The following ISCU variants were observed in gnomAD, a reference collection of about 807,000 sequenced individuals.
The protein encoded by ISCU is iron-sulfur cluster assembly enzyme.
Under a neutral mutation model 18.4 loss-of-function variants are expected in ISCU, and 13 were observed. The observed-to-expected ratio is 0.71, with a 90% CI of 0.46 to 1.12. ISCU has a LOEUF of 1.12. Among genes scored for constraint, ISCU ranks in the 50% most tolerant of loss-of-function variants. The pLI is 0.00. For synonymous variants in ISCU, 104 were observed against 87.5 expected (o/e 1.19, Z -1.06); for missense variants, 229 against 208.7 (o/e 1.10, Z -0.60).
At chr12:108,565,118 C>A in intron 2 of ISCU, 1 of 584,430 alleles carries the variant, frequency 1.7e-6, no homozygotes, top group South Asian at 2.2e-5. Flanking sequence ...TGATCTTTGT[C>A]AGTTGGGCCT....
intron 4 of ISCU, 135 bp from the exon 5 acceptor site, chr12:108,568,696 C>A: frequency 6.6e-7 from 1 of 1,512,068 alleles, no homozygotes; most frequent in Non-Finnish European, 8.9e-7. Flanking sequence ...AGCAACTCCT[C>A]ACCCCAGCTT....
At position 108,568,814 on chromosome 12, in the gene ISCU, C is replaced by G. The variant is rs1012866449; in HGVS notation, c.419-17C>G. ...CACATCTAGAAACTTAGGCTTCTTTCCTTCCGTTACTTCCAGTGCTGGCTG... is the reference window on the plus strand; with the variant it reads ...CACATCTAGAAACTTAGGCTTCTTTGCTTCCGTTACTTCCAGTGCTGGCTG... On this transcript the variant is annotated splice_polypyrimidine_tract_variant and intron_variant, in intron 4 of 4. Coordinates refer to ENST00000311893, the MANE Select transcript of ISCU (RefSeq NM_213595.4). 3.1e-6 allele frequency: 5 copies of G among 1,609,092 alleles called. No homozygotes were observed. In the African/African-American group the frequency reaches 4.0e-5, roughly 13 times the overall value.
At chr12:108,568,720 C>A in intron 4 of ISCU, 111 bp from the exon 5 acceptor site, 1 of 1,537,584 alleles carries the variant, frequency 6.5e-7, no homozygotes, top group South Asian at 1.2e-5. Flanking sequence ...GGCTTGGTTA[C>A]TCCATTAGTC....
At chr12:108,565,254 C>G in intron 2 of ISCU, 67 bp from the exon 3 acceptor site, 1 of 1,192,578 alleles carries the variant, frequency 8.4e-7, no homozygotes, top group Non-Finnish European at 1.3e-6. Context: ...CCTGGTGAAC[C>G]TTCGTGAGTG....
chr12:108,562,319 A>G (rs1182284873), upstream of ISCU, among the ~76,000 whole-genome samples: 2 of 151,768 alleles, frequency 1.3e-5, no homozygotes, highest in African/African-American at 2.4e-5. Context: ...GCATTCCCGC[A>G]GCGGGATTTG....
chr12:108,567,891 C>G, intron 4 of ISCU: 1 of 1,419,026 alleles, frequency 7.0e-7, no homozygotes, highest in Non-Finnish European at 9.6e-7. Context: ...AAATCTAATG[C>G]TTTTTCCATC....
In ISCU at chr12:108,562,679, G is replaced by T. The variant is rs534297688; in HGVS notation, c.57G>T (p.Arg19=). Residue 19 remains arginine (R), a synonymous_variant, in exon 1 of 5, where the codon CGG becomes CGT. Coordinates refer to ENST00000311893, the MANE Select transcript of ISCU (RefSeq NM_213595.4). ...LRRAASALLL[R]SPRLPARELS... ...GGGCGGCATCGGCTCTGCTGCTGCGGAGCCCCCGCCTGCCCGCCCGGGAGC... is the reference window on the plus strand; with the variant it reads ...GGGCGGCATCGGCTCTGCTGCTGCGTAGCCCCCGCCTGCCCGCCCGGGAGC... The T allele has an allele frequency of 6.9e-7, 1 of 1,456,226 alleles. No individual in the cohort carries two copies. The highest frequency in any genetic ancestry group is 1.4e-5 in the South Asian group (1 of 71,632). The allele number at this position is 1,456,226 out of a possible 1,614,324, so 90.2% of individuals were successfully genotyped here.
intron 4 of ISCU, chr12:108,568,072 C>T (rs1592794764): frequency 6.9e-7 from 1 of 1,445,564 alleles, no homozygotes; most frequent in Admixed American, 2.7e-5. Context: ...ACTCATTCTT[C>T]AGGAAGCCTG....
At chr12:108,568,729 T>G (rs2031014184) in intron 4 of ISCU, 102 bp from the exon 5 acceptor site, 2 of 1,545,208 alleles carry the variant, frequency 1.3e-6, no homozygotes. Flanking sequence ...ACTCCATTAG[T>G]CCCCACCAGC....
Position 108,565,367 on chromosome 12 carries a change from C to T in ISCU, c.275C>T (p.Thr92Ile). Residue 92 changes from threonine to isoleucine, a missense_variant, in exon 3 of 5, where the codon ACA becomes ATA. By Grantham distance (89) the Thr-to-Ile change is moderately conservative. Coordinates refer to ENST00000311893, the MANE Select transcript of ISCU (RefSeq NM_213595.4). ...AAGATTGTGGATGCTAGGTTTAAAACATTTGGCTGTGGTTCCGCAATTGCC... is the reference window on the plus strand; with the variant it reads ...AAGATTGTGGATGCTAGGTTTAAAATATTTGGCTGTGGTTCCGCAATTGCC... Reference protein sequence around the residue: ...KGKIVDARFKTFGCGSAIASS... With the variant: ...KGKIVDARFKIFGCGSAIASS... The T allele has an allele frequency of 6.2e-7, 1 of 1,614,176 alleles. No homozygotes were observed. Among genetic ancestry groups the T allele is most frequent in the Non-Finnish European group, 8.5e-7 (1 of 1,179,992 alleles).
upstream of ISCU, among the ~76,000 whole-genome samples, chr12:108,562,360 AG>A (rs200246803): frequency 1.6e-5 from 1 of 64,094 alleles, no homozygotes; most frequent in Non-Finnish European, 4.9e-5. Flanking sequence ...ACACTGCAGA[AG>A]CCCTGAGGTC....
rs758914155 is a variant in ISCU, at chr12:108,567,224, T to A, written c.374T>A (p.Ile125Asn). Reference protein sequence around the residue: ...EEALTIKNTDIAKELCLPPVK... With the variant: ...EEALTIKNTDNAKELCLPPVK... ...GCCTTGACTATCAAAAACACAGATA[T>A]CGCCAAGGAGCTCTGCCTTCCTCCC... Residue 125 changes from isoleucine to asparagine, a missense_variant, in exon 4 of 5, where the codon ATC becomes AAC. Coordinates refer to ENST00000311893, the MANE Select transcript of ISCU (RefSeq NM_213595.4). The A allele has an allele frequency of 6.2e-7, 1 of 1,614,072 alleles. No individual in the cohort carries two copies. The highest frequency in any genetic ancestry group is 8.5e-7 in the Non-Finnish European group (1 of 1,180,000).
At chr12:108,562,540 C>A, upstream of ISCU, 1 of 749,964 alleles carries the variant, frequency 1.3e-6, no homozygotes, top group Non-Finnish European at 1.9e-6. Context: ...GTCAGAGAGG[C>A]GCGCTCCCAG....
At chr12:108,568,419 A>G (rs1196379988) in intron 4 of ISCU, 2 of 1,098,502 alleles carry the variant, frequency 1.8e-6, no homozygotes, top group African/African-American at 3.3e-5. Flanking sequence ...CAACTTTTTT[A>G]TCATGACAAG....
At chr12:108,562,781 C>A in intron 1 of ISCU, 45 bp downstream of exon 1, 1 of 1,226,704 alleles carries the variant, frequency 8.2e-7, no homozygotes, top group Non-Finnish European at 1.1e-6. Flanking sequence ...TCAGCGGAGG[C>A]CTGGGCTGGA....
chr12:108,563,214 G>A (rs1946490357), intron 1 of ISCU: 1 of 153,206 alleles, frequency 6.5e-6, no homozygotes, highest in Non-Finnish European at 1.5e-5. Flanking sequence ...CTGGCACATA[G>A]GCCCCAGCAC....
At chr12:108,562,528 A>G (rs544494044), upstream of ISCU, 6 of 643,506 alleles carry the variant, frequency 9.3e-6, no homozygotes, top group South Asian at 6.3e-5. Flanking sequence ...AGCTTCGGTG[A>G]CGTCAGAGAG....
At chr12:108,567,321 A>G (rs763057360) in intron 4 of ISCU, 53 bp downstream of exon 4, 131 of 1,453,668 alleles carry the variant, frequency 9.0e-5, no homozygotes, top group Non-Finnish European at 9.6e-5. Flanking sequence ...AGTAATTTCA[A>G]CTTGGTTTGC....
intron 3 of ISCU, among the ~76,000 whole-genome samples, chr12:108,566,743 C>T (rs2030915093): frequency 6.6e-6 from 1 of 152,242 alleles, no homozygotes; most frequent in South Asian, 2.1e-4. Flanking sequence ...TGCTACTTAC[C>T]TGAAATCTTC....
Sources: gnomAD v4.1 joint callset for allele counts (sites outside exome capture counted in the v4.1 genomes callset) on GRCh38, gnomAD v4.1.1 for gene constraint, MANE v1.5 for transcripts, NCBI Gene and HGNC (gene_info 2026-07-23, HGNC 2026-07-21) for gene names.